The following NKX2-3 variants were observed in gnomAD, a reference collection of about 807,000 sequenced individuals.
The protein encoded by NKX2-3 is NK2 homeobox 3.
In NKX2-3, 3 loss-of-function variants were observed where a neutral mutation model predicts 14.2. That is an observed-to-expected ratio of 0.21 (90% CI 0.10 to 0.55). NKX2-3 has a LOEUF of 0.55. NKX2-3 is among the 20% of genes least tolerant of loss of function. NKX2-3 has a pLI of 0.94. For missense variants in NKX2-3, 511 were observed against 514.5 expected (o/e 0.99, Z 0.06); for synonymous variants, 276 against 234.2 (o/e 1.18, Z -1.63).
chr10:99,533,579 GC>G, intron 1 of NKX2-3, 90 bp downstream of exon 1: 1 of 1,021,298 alleles, frequency 9.8e-7, no homozygotes, highest in Non-Finnish European at 1.4e-6. Flanking sequence ...CAGCGCAGCT[GC>G]CCATCCCTTT....
chr10:99,535,340 C>G lies in NKX2-3; in HGVS notation c.714C>G (p.Cys238Trp). ...VPVLVRDGKP[C>W]VTPSAQAYGA... is the part of the protein sequence containing the mutation. ...TGCTGGTGCGGGACGGCAAGCCGTG[C>G]GTCACGCCCAGCGCGCAGGCCTACG... Residue 238 changes from cysteine (C) to tryptophan (W), a missense_variant, in exon 2 of 2, where the codon TGC becomes TGG. Physicochemically the swap from Cys to Trp is radical, Grantham distance 215. Around this residue, in one of 3 missense-constraint regions of NKX2-3, gnomAD observed 264 missense variants for 254.7 expected, o/e 1.04. Coordinates refer to ENST00000344586, the MANE Select transcript of NKX2-3 (RefSeq NM_145285.3). 1 of 1,516,932 alleles carries G rather than the reference C, an allele frequency of 6.6e-7. No individual in the cohort carries two copies. The highest frequency in any genetic ancestry group is 8.8e-7 in the Non-Finnish European group (1 of 1,135,924). The allele number at this position is 1,516,932 out of a possible 1,614,324, so 94.0% of individuals were successfully genotyped here. A position where few individuals can be genotyped will look rare whatever the true frequency, so the allele number is the denominator to read the frequency against.
chr10:99,534,181 G>T (rs1327864177), intron 1 of NKX2-3, among the ~76,000 whole-genome samples: 7 of 152,228 alleles, frequency 4.6e-5, no homozygotes, highest in Non-Finnish European at 1.0e-4. Flanking sequence ...TGTGTCCCAG[G>T]CTGCGGGCCT....
intron 1 of NKX2-3, 28 bp downstream of exon 1, chr10:99,533,517 C>T (rs766938472): frequency 2.1e-5 from 31 of 1,485,636 alleles, no homozygotes; most frequent in Middle Eastern, 2.3e-4. Context: ...GAAAACGCAC[C>T]CGCACACCTG....
chr10:99,535,466 C>T lies in NKX2-3; in HGVS notation c.840C>T (p.Ala280=), dbSNP rs1366371868. 3.3e-6 allele frequency: 4 copies of T among 1,225,664 alleles called. No homozygotes were observed. The highest frequency in any genetic ancestry group is 3.3e-5 in the African/African-American group (2 of 60,800). The allele number at this position is 1,225,664 out of a possible 1,614,324, so 75.9% of individuals were successfully genotyped here. ...SAAAAAAAAA[A]AAAAAAYSSS... ...CGGCCGCCGCCGCCGCCGCCGCCGC[C>T]GCCGCAGCAGCGGCGGCCTACAGCA... is the stretch of plus-strand genomic sequence containing the variant. Residue 280 remains alanine, a synonymous_variant, in exon 2 of 2, where the codon GCC becomes GCT. Transcript: ENST00000344586.
chr10:99,535,567 AGCCCGCCTGCAGCGCGGCCGGAGGCG>A lies in NKX2-3; in HGVS notation c.946_971del (p.Ala316LeufsTer60). The A allele has an allele frequency of 6.7e-7, 1 of 1,489,804 alleles. No homozygotes were observed. The allele number at this position is 1,489,804 out of a possible 1,614,324, so 92.3% of individuals were successfully genotyped here. A position where few individuals can be genotyped will look rare whatever the true frequency, so the allele number is the denominator to read the frequency against. ...ACCTCCGCGGCGACCACTGCCATGC[AGCCCGCCTGCAGCGCGGCCGGAGGCG>A]GCCCCTTTGTGAACGTGAGCAACCT... On this transcript the variant is annotated frameshift_variant, in exon 2 of 2. Transcript: ENST00000344586. LOFTEE classifies it high-confidence loss of function.
chr10:99,535,655 G>C lies in NKX2-3; in HGVS notation c.1029G>C (p.Leu343Phe). Residue 343 changes from leucine (L) to phenylalanine (F), a missense_variant, in exon 2 of 2, where the codon TTG becomes TTC. Leu to Phe is a conservative substitution (Grantham distance 22). Transcript: ENST00000344586. ...GCAGCGGCGGCAGCGCACAGCCGTT[G>C]CACCAGGGTACTGCAGCCGGGGCCG... ...GFGSGGSAQP[L>F]HQGTAAGAAC... The C allele has an allele frequency of 3.9e-6, 6 of 1,536,688 alleles. No individual in the cohort carries two copies. Among genetic ancestry groups the C allele is most frequent in the African/African-American group, 1.4e-5 (1 of 72,450 alleles).
Position 99,536,230 on chromosome 10 carries a change from AG to A in NKX2-3, c.*510del, listed in dbSNP as rs2033969332. On this transcript the variant is annotated 3_prime_UTR_variant, in exon 2 of 2. Transcript: ENST00000344586. ...CATAGCACAGTCGATTTCGTTTCGCAGCTGTCTCCCCTCCGCAGCAGATACC... is the reference window on the plus strand; with the variant it reads ...CATAGCACAGTCGATTTCGTTTCGCACTGTCTCCCCTCCGCAGCAGATACC... 2 of 154,128 alleles carry A rather than the reference AG, an allele frequency of 1.3e-5. No homozygotes were observed. The highest frequency in any genetic ancestry group is 2.9e-5 in the Non-Finnish European group (2 of 69,032). The allele number at this position is 154,128 out of a possible 1,614,324, so 9.5% of individuals were successfully genotyped here.
chr10:99,533,498 AG>A lies in NKX2-3; in HGVS notation c.358+14del. 4 of 1,554,082 alleles carry A rather than the reference AG, an allele frequency of 2.6e-6. No homozygotes were observed. Among genetic ancestry groups the A allele is most frequent in the Middle Eastern group, 4.1e-4 (2 of 4,852 alleles). Reference sequence around the variant, plus strand: ...GAGGGACCGGAGCCAAAGTGAGTAGAGGGGGAAAGAAAACGCACCCGCACAC... The same window carrying A: ...GAGGGACCGGAGCCAAAGTGAGTAGAGGGGAAAGAAAACGCACCCGCACAC... On this transcript the variant is annotated intron_variant, in intron 1 of 1. Coordinates refer to ENST00000344586, the MANE Select transcript of NKX2-3 (RefSeq NM_145285.3).
rs2033965018 is a variant in NKX2-3 at position 99,535,885 on chromosome 10, G to A, written c.*164G>A. ...AGCTCACTCGAGGCCTGGGGAAGGG[G>A]ACTCAGGGGCGAGGAGGATGACTGG... On this transcript the variant is annotated 3_prime_UTR_variant, in exon 2 of 2. Coordinates refer to ENST00000344586, the MANE Select transcript of NKX2-3 (RefSeq NM_145285.3). The A allele has an allele frequency of 1.2e-6, 1 of 814,660 alleles. No individual in the cohort carries two copies. Among genetic ancestry groups the A allele is most frequent in the Non-Finnish European group, 1.8e-6 (1 of 555,660 alleles). The allele number at this position is 814,660 out of a possible 1,614,324, so 50.5% of individuals were successfully genotyped here. A position where few individuals can be genotyped will look rare whatever the true frequency, so the allele number is the denominator to read the frequency against.
At position 99,535,948 on chromosome 10, in the gene NKX2-3, G is replaced by A. The variant is rs2033966379; in HGVS notation, c.*227G>A. 5.6e-6 allele frequency: 3 copies of A among 539,174 alleles called. No individual in the cohort carries two copies. Among genetic ancestry groups the A allele is most frequent in the Non-Finnish European group, 9.5e-6 (3 of 314,248 alleles). 33.4% of individuals were successfully genotyped at this position (539,174 alleles called of 1,614,324 possible). ...GGACTGTCTCTGAGGCAGAAACGCC[G>A]GCTGGGCGCCGGGGAGGACGATGGC... is the stretch of plus-strand genomic sequence containing the variant. On this transcript the variant is annotated 3_prime_UTR_variant, in exon 2 of 2. Coordinates refer to ENST00000344586, the MANE Select transcript of NKX2-3 (RefSeq NM_145285.3).
Position 99,533,293 on chromosome 10 carries a change from A to G in NKX2-3, c.162A>G (p.Gln54=). 1 of 1,613,788 alleles carries G rather than the reference A, an allele frequency of 6.2e-7. No homozygotes were observed. The highest frequency in any genetic ancestry group is 8.5e-7 in the Non-Finnish European group (1 of 1,179,882). The change falls in exon 1 of 2, where the codon CAA becomes CAG. Residue 54 remains glutamine, a synonymous_variant. Coordinates refer to ENST00000344586, the MANE Select transcript of NKX2-3 (RefSeq NM_145285.3). ...PCMLAAAEGT[Q]FSDGGEEDEE... is the part of the protein sequence containing the mutation. ...TGCTGGCCGCCGCTGAGGGGACGCAATTTTCTGACGGAGGGGAGGAGGACG... is the reference window on the plus strand; with the variant it reads ...TGCTGGCCGCCGCTGAGGGGACGCAGTTTTCTGACGGAGGGGAGGAGGACG...
rs1414757376 is a variant in NKX2-3, at chr10:99,533,364, C to T, written c.233C>T (p.Ala78Val). Residue 78 changes from alanine to valine, a missense_variant, in exon 1 of 2, where the codon GCA becomes GTA. Transcript: ENST00000344586. ...TTGTCCTATTTGAACTCACTAGCCG[C>T]AGCAGACGGCCACGGGGATTCAGGG... ...EKLSYLNSLA[A>V]ADGHGDSGLC... 1.2e-6 allele frequency: 2 copies of T among 1,611,034 alleles called. No individual in the cohort carries two copies. Among genetic ancestry groups the T allele is most frequent in the African/African-American group, 2.7e-5 (2 of 75,044 alleles).
In NKX2-3 at chr10:99,535,839, C is replaced by A; in HGVS notation, c.*118C>A. ...TCGTTAAAAAAATATGTACGTCTAG[C>A]TCCTCAGGGCTTCGGATCGCAGCTC... On this transcript the variant is annotated 3_prime_UTR_variant, in exon 2 of 2. Coordinates refer to ENST00000344586, the MANE Select transcript of NKX2-3 (RefSeq NM_145285.3). 2 of 1,151,638 alleles carry A rather than the reference C, an allele frequency of 1.7e-6. No individual in the cohort carries two copies. The highest frequency in any genetic ancestry group is 1.6e-5 in the African/African-American group (1 of 61,048). 71.3% of individuals were successfully genotyped at this position (1,151,638 alleles called of 1,614,324 possible). A position where few individuals can be genotyped will look rare whatever the true frequency, so the allele number is the denominator to read the frequency against.
Position 99,533,452 on chromosome 10 carries a change from T to C in NKX2-3, c.321T>C (p.His107=). Residue 107 remains histidine, a synonymous_variant, in exon 1 of 2, where the codon CAT becomes CAC. Transcript: ENST00000344586. ...ACTCGTGCAGCGAGCCCAAGGAACA[T>C]GAAGAGGAGCCCGAGGTCGTGAGGG... ...LRDSCSEPKE[H]EEEPEVVRDR... The C allele has an allele frequency of 1.9e-6, 3 of 1,590,064 alleles. No individual in the cohort carries two copies. The highest frequency in any genetic ancestry group is 2.6e-6 in the Non-Finnish European group (3 of 1,168,668).
Position 99,533,009 on chromosome 10 carries a change from C to T in NKX2-3, c.-123C>T, listed in dbSNP as rs1441670067. On this transcript the variant is annotated 5_prime_UTR_variant, in exon 1 of 2. Coordinates refer to ENST00000344586, the MANE Select transcript of NKX2-3 (RefSeq NM_145285.3). ...GAGGCGATTTAGACTGGAGTGGGACCGCGTCTGTCAAAAGCCCGACTCGGC... is the reference window on the plus strand; with the variant it reads ...GAGGCGATTTAGACTGGAGTGGGACTGCGTCTGTCAAAAGCCCGACTCGGC... 4 of 710,158 alleles carry T rather than the reference C, an allele frequency of 5.6e-6. No individual in the cohort carries two copies. Among genetic ancestry groups the T allele is most frequent in the Non-Finnish European group, 9.8e-6 (4 of 410,002 alleles). 44.0% of individuals were successfully genotyped at this position (710,158 alleles called of 1,614,324 possible).
chr10:99,533,554 GC>G, intron 1 of NKX2-3, 65 bp downstream of exon 1: 1 of 1,265,150 alleles, frequency 7.9e-7, no homozygotes, highest in Non-Finnish European at 1.1e-6. Flanking sequence ...CACACAAACA[GC>G]CCACAGACCT....
chr10:99,535,266 C>T lies in NKX2-3; in HGVS notation c.640C>T (p.Leu214Phe). ...KRQRQDKSLE[L>F]GAHAPPPPPR... ...ACAGCGGCAGGACAAGTCTCTGGAG[C>T]TTGGCGCACACGCGCCCCCGCCGCC... Residue 214 changes from leucine to phenylalanine, a missense_variant, in exon 2 of 2, where the codon CTT (leucine) becomes TTT (phenylalanine). Around this residue, in one of 3 missense-constraint regions of NKX2-3, gnomAD observed 264 missense variants for 254.7 expected, o/e 1.04. Transcript: ENST00000344586. The T allele has an allele frequency of 6.2e-7, 1 of 1,606,482 alleles. No individual in the cohort carries two copies. Among genetic ancestry groups the T allele is most frequent in the Non-Finnish European group, 8.5e-7 (1 of 1,177,256 alleles).
intron 1 of NKX2-3, among the ~76,000 whole-genome samples, chr10:99,534,164 T>C (rs77927889): frequency 0.07 from 10,695 of 152,234 alleles, 516 homozygotes; most frequent in Admixed American, 0.11. Context: ...TCCGTAACGT[T>C]TTGCTTTGTG....
In NKX2-3 at chr10:99,533,048, T is replaced by G. The variant is rs576091513; in HGVS notation, c.-84T>G. On this transcript the variant is annotated 5_prime_UTR_variant, in exon 1 of 2. Transcript: ENST00000344586. ...GCCCGACTCGGCAGCAGCGGCGGAG[T>G]CCAGGAGGAGAGCTGGAGCCGCCGC... is the stretch of plus-strand genomic sequence containing the variant. The G allele has an allele frequency of 4.3e-6, 4 of 939,654 alleles. No individual in the cohort carries two copies. Among genetic ancestry groups the G allele is most frequent in the East Asian group, 2.4e-5 (1 of 40,958 alleles). The allele number at this position is 939,654 out of a possible 1,614,324, so 58.2% of individuals were successfully genotyped here.
Sources: allele counts gnomAD v4.1 joint callset (sites outside exome capture counted in the v4.1 genomes callset), GRCh38; gene constraint gnomAD v4.1.1; regional missense constraint gnomAD v4.1.1; transcripts MANE v1.5; gene names NCBI Gene and HGNC (gene_info 2026-07-23, HGNC 2026-07-21).